Variants in ARID4A observed in about 807,000 individuals in gnomAD.
The protein encoded by ARID4A is AT-rich interactive domain-containing protein 4A.
In ARID4A, 39 loss-of-function variants were observed where a neutral mutation model predicts 148.6. The ratio of observed to expected loss-of-function variants is 0.26; its 90% CI spans 0.20 to 0.34. ARID4A has a LOEUF of 0.34. Ranked by LOEUF, ARID4A falls within the 10% of genes least tolerant of loss-of-function variation. ARID4A has a pLI of 1.00. For synonymous variants in ARID4A, 475 were observed against 481.2 expected (o/e 0.99, Z 0.17); for missense variants, 1,265 against 1,449.1 (o/e 0.87, Z 2.06).
chr14:58,318,583 CTT>C lies in ARID4A; in HGVS notation c.318_319del (p.Cys107SerfsTer11). 6.2e-7 allele frequency: 1 copy of C among 1,614,198 alleles called. No individual in the cohort carries two copies. Among genetic ancestry groups the C allele is most frequent in the Non-Finnish European group, 8.5e-7 (1 of 1,180,040 alleles). ...GDERTLRRTS[L>X]CLKGERHFAE... ...TGAGCGAACATTGAGACGTACCTCA[CTT>C]TGTCTGAAAGGAGAGAGACATTTTG... On this transcript the variant is annotated frameshift_variant, in exon 6 of 24. Transcript: ENST00000355431. LOFTEE classifies it high-confidence loss of function.
At chr14:58,347,908 T>G in intron 15 of ARID4A, 30 bp downstream of exon 15, 1 of 1,475,884 alleles carries the variant, frequency 6.8e-7, no homozygotes, top group South Asian at 1.3e-5. Flanking sequence ...TTTATCTGGT[T>G]TAAGTATTAT....
chr14:58,320,320 A>G (rs1425054187), intron 7 of ARID4A, among the ~76,000 whole-genome samples: 1 of 152,110 alleles, frequency 6.6e-6, no homozygotes, highest in Non-Finnish European at 1.5e-5. Flanking sequence ...AAGCATCATG[A>G]TCCTTTATCA....
In ARID4A at chr14:58,329,593, C is replaced by G; in HGVS notation, c.728C>G (p.Ser243Cys). 6.2e-7 allele frequency: 1 copy of G among 1,600,784 alleles called. No homozygotes were observed. Among genetic ancestry groups the G allele is most frequent in the Non-Finnish European group, 8.6e-7 (1 of 1,168,180 alleles). Residue 243 changes from serine to cysteine, a missense_variant, in exon 10 of 24, where the codon TCC becomes TGC. By Grantham distance (112) the Ser-to-Cys change is moderately radical. Transcript: ENST00000355431. ...DILNLPESEL[S>C]TKPGLQKASI... ...CTCAATCTACCGGAATCTGAGCTCTCCACTAAACCAGGTAAAATAAAGATG... is the reference window on the plus strand; with the variant it reads ...CTCAATCTACCGGAATCTGAGCTCTGCACTAAACCAGGTAAAATAAAGATG...
rs375809755 is a variant in ARID4A at position 58,361,014 on chromosome 14, T to C, written c.2052T>C (p.Ser684=). 6 of 1,613,858 alleles carry C rather than the reference T, an allele frequency of 3.7e-6. No individual in the cohort carries two copies. Among genetic ancestry groups the C allele is most frequent in the Non-Finnish European group, 5.1e-6 (6 of 1,179,950 alleles). The change falls in exon 19 of 24, where the codon TCT becomes TCC. Residue 684 remains serine (S), a synonymous_variant. Coordinates refer to ENST00000355431, the MANE Select transcript of ARID4A (RefSeq NM_002892.4). ...CATCAAACATGCCGTATGGCTTATC[T>C]AAGACAGCAAACAGTGAAGGAAAAT... ...TLSSNMPYGL[S]KTANSEGKSD...
intron 5 of ARID4A, among the ~76,000 whole-genome samples, chr14:58,309,814 G>T (rs968674717): frequency 6.6e-6 from 1 of 152,110 alleles, no homozygotes; most frequent in African/African-American, 2.4e-5. Context: ...AGATTATTTT[G>T]TACCTTGTAG....
In ARID4A at chr14:58,372,020, G is replaced by A. The variant is rs1478248653; in HGVS notation, c.*31G>A. 1.3e-6 allele frequency: 2 copies of A among 1,485,306 alleles called. No homozygotes were observed. The highest frequency in any genetic ancestry group is 2.3e-5 in the South Asian group (2 of 86,652). The allele number at this position is 1,485,306 out of a possible 1,614,324, so 92.0% of individuals were successfully genotyped here. On this transcript the variant is annotated 3_prime_UTR_variant, in exon 24 of 24. Transcript: ENST00000355431. ...ATTTTCTCTACCTTCCCAGCAGTTTGCTGCCATGGACATAAATCCCCAAAC... is the reference window on the plus strand; with the variant it reads ...ATTTTCTCTACCTTCCCAGCAGTTTACTGCCATGGACATAAATCCCCAAAC...
chr14:58,370,129 A>T (rs528311933), intron 23 of ARID4A: 1 of 152,196 alleles, frequency 6.6e-6, no homozygotes, highest in African/African-American at 2.4e-5. Context: ...CAGACTTCTC[A>T]TGTTCATCCT....
intron 17 of ARID4A, 144 bp from the exon 18 acceptor site, chr14:58,358,988 C>A: frequency 1.2e-6 from 1 of 823,128 alleles, no homozygotes; most frequent in Non-Finnish European, 1.8e-6. Flanking sequence ...GCAAACCAGC[C>A]CCTGTGCCCT....
Position 58,364,634 on chromosome 14 carries a change from T to C in ARID4A, c.2545T>C (p.Cys849Arg), listed in dbSNP as rs145116215. Residue 849 changes from cysteine to arginine, a missense_variant, in exon 20 of 24, where the codon TGT becomes CGT. By Grantham distance (180) the Cys-to-Arg change is radical. Around this residue, in one of 9 missense-constraint regions of ARID4A, gnomAD observed 666 missense variants for 730.9 expected, o/e 0.91. Transcript: ENST00000355431. ...TGCTACAGAAGATGAAATTGACCAA[T>C]GTGTGAAAGAAAAGAAGTTGAAACG... ...SSATEDEIDQ[C>R]VKEKKLKRKI... 21 of 1,613,580 alleles carry C rather than the reference T, an allele frequency of 1.3e-5. No homozygotes were observed. Among genetic ancestry groups the C allele is most frequent in the Non-Finnish European group, 1.7e-5 (20 of 1,179,936 alleles).
intron 23 of ARID4A, among the ~76,000 whole-genome samples, chr14:58,369,305 A>G (rs2035497777): frequency 6.6e-6 from 1 of 152,154 alleles, no homozygotes; most frequent in Non-Finnish European, 1.5e-5. Context: ...ACCAAAGCAT[A>G]TGAAATTTCA....
chr14:58,303,867 T>C (rs1470134757), intron 3 of ARID4A: 3 of 170,268 alleles, frequency 1.8e-5, no homozygotes, highest in East Asian at 3.1e-4. Context: ...CCCAGCACTT[T>C]GGGAAGCCAG....
chr14:58,303,816 TA>T (rs2031385103), intron 3 of ARID4A: 1 of 197,338 alleles, frequency 5.1e-6, no homozygotes, highest in Admixed American at 5.3e-5. Flanking sequence ...TGATGCATGT[TA>T]AAAGTTTAAG....
chr14:58,317,772 A>G (rs2032566361), intron 5 of ARID4A, among the ~76,000 whole-genome samples: 1 of 151,442 alleles, frequency 6.6e-6, no homozygotes, highest in Non-Finnish European at 1.5e-5. Flanking sequence ...AGCTGGGACC[A>G]CAGGCATGAG....
chr14:58,332,545 C>T (rs2140197977), intron 11 of ARID4A, among the ~76,000 whole-genome samples: 1 of 152,216 alleles, frequency 6.6e-6, no homozygotes, highest in South Asian at 2.1e-4. Context: ...GTTGCTGAAT[C>T]ATTGTAACTT....
chr14:58,315,917 G>A (rs2032377416), intron 5 of ARID4A, among the ~76,000 whole-genome samples: 1 of 152,050 alleles, frequency 6.6e-6, no homozygotes, highest in Non-Finnish European at 1.5e-5. Flanking sequence ...ATGTGCTTCG[G>A]GAGTTTTTAA....
At chr14:58,353,916 CTT>C in intron 17 of ARID4A, 61 bp downstream of exon 17, 1 of 1,406,472 alleles carries the variant, frequency 7.1e-7, no homozygotes, top group Non-Finnish European at 9.9e-7. Flanking sequence ...AGAACATCAA[CTT>C]AATGTTATGA....
chr14:58,328,287 T>G lies in ARID4A; in HGVS notation c.633T>G (p.Cys211Trp). 1 of 1,604,164 alleles carries G rather than the reference T, an allele frequency of 6.2e-7. No individual in the cohort carries two copies. The highest frequency in any genetic ancestry group is 8.5e-7 in the Non-Finnish European group (1 of 1,171,472). Residue 211 changes from cysteine (C) to tryptophan (W), a missense_variant, in exon 9 of 24, where the codon TGT becomes TGG. By Grantham distance (215) the Cys-to-Trp change is radical. This residue lies in a region of ARID4A where 249 missense variants were observed against 277.2 expected (regional missense o/e 0.90). Coordinates refer to ENST00000355431, the MANE Select transcript of ARID4A (RefSeq NM_002892.4). The part of the protein sequence containing the change: ...NDDITVKKDQ[C>W]LVRSFIDSKF... ...ACATCACAGTGAAAAAGGATCAGTG[T>G]TTAGTTCGATCATTTATTGATTCTA...
In ARID4A at chr14:58,347,772, A is replaced by G. The variant is rs530188286; in HGVS notation, c.1298A>G (p.Lys433Arg). Residue 433 changes from lysine to arginine, a missense_variant, in exon 15 of 24, where the codon AAA (lysine) becomes AGA (arginine). By Grantham distance (26) the Lys-to-Arg change is conservative. This residue lies in a region of ARID4A where 205 missense variants were observed against 196.9 expected (regional missense o/e 1.04). Coordinates refer to ENST00000355431, the MANE Select transcript of ARID4A (RefSeq NM_002892.4). ...GAAGAATCAATGGAAGAGGCTCTCAAATTAGATCAAGAAATGCCTTTAACA... is the reference window on the plus strand; with the variant it reads ...GAAGAATCAATGGAAGAGGCTCTCAGATTAGATCAAGAAATGCCTTTAACA... The part of the protein sequence containing the change: ...DLEESMEEAL[K>R]LDQEMPLTEV... 4 of 1,613,914 alleles carry G rather than the reference A, an allele frequency of 2.5e-6. No homozygotes were observed. Among genetic ancestry groups the G allele is most frequent in the Non-Finnish European group, 1.7e-6 (2 of 1,179,838 alleles).
chr14:58,299,751 C>G, intron 1 of ARID4A, 47 bp from the exon 2 acceptor site: 3 of 1,528,702 alleles, frequency 2.0e-6, no homozygotes, highest in Non-Finnish European at 2.7e-6. Context: ...GGTCGCTCCC[C>G]GCAGTTGACT....
Sources: allele counts gnomAD v4.1 joint callset (sites outside exome capture counted in the v4.1 genomes callset), GRCh38; gene constraint gnomAD v4.1.1; regional missense constraint gnomAD v4.1.1; transcripts MANE v1.5; gene names NCBI Gene and HGNC (gene_info 2026-07-23, HGNC 2026-07-21).